FANK1: variants seen among roughly 807,000 people sequenced by gnomAD.
FANK1 encodes the protein fibronectin type 3 and ankyrin repeat domains protein 1.
Under a neutral mutation model 45.3 loss-of-function variants are expected in FANK1, and 44 were observed. The ratio of observed to expected loss-of-function variants is 0.97; its 90% CI spans 0.76 to 1.25. The LOEUF (loss-of-function observed/expected upper bound fraction) is 1.25. Ranked by LOEUF, FANK1 falls within the 50% of genes most tolerant of loss-of-function variation. FANK1 has a pLI of 0.00. For missense variants in FANK1, 391 were observed against 424.4 expected, an observed-to-expected ratio of 0.92 and a Z score of 0.69; for synonymous variants, 149 against 152.5, an observed-to-expected ratio of 0.98 and a Z score of 0.17.
intron 1 of FANK1, among the ~76,000 whole-genome samples, chr10:125,949,466 A>T (rs1383374139): frequency 6.6e-6 from 1 of 152,200 alleles, no homozygotes; most frequent in East Asian, 1.9e-4. Flanking sequence ...GTATTCTTAT[A>T]CACCAACAAA....
At chr10:125,937,564 G>A (rs1313076389) in intron 1 of FANK1, among the ~76,000 whole-genome samples, 1 of 152,126 alleles carries the variant, frequency 6.6e-6, no homozygotes, top group Admixed American at 6.5e-5. Context: ...GAAGGAGTCT[G>A]ATGGAATAAA....
intron 1 of FANK1, among the ~76,000 whole-genome samples, chr10:125,898,830 ATATTCT>A (rs1944792840): frequency 6.6e-6 from 1 of 151,952 alleles, no homozygotes; most frequent in African/African-American, 2.4e-5. Flanking sequence ...TTCTTTCCAC[ATATTCT>A]TAAATTATTT....
intron 1 of FANK1, among the ~76,000 whole-genome samples, chr10:125,916,693 G>A (rs1414340130): frequency 6.6e-6 from 1 of 152,162 alleles, no homozygotes; most frequent in Admixed American, 6.5e-5. Context: ...GAACCTGGAA[G>A]ACATTATGCC....
chr10:126,000,889 A>G (rs796694293), intron 6 of FANK1, among the ~76,000 whole-genome samples: 5 of 152,366 alleles, frequency 3.3e-5, no homozygotes, highest in East Asian at 1.9e-4. Context: ...AAGACAATTT[A>G]TAGCAGAATC....
chr10:125,956,483 C>G (rs1452206239), intron 1 of FANK1, among the ~76,000 whole-genome samples: 2 of 152,092 alleles, frequency 1.3e-5, no homozygotes, highest in African/African-American at 4.8e-5. Context: ...TAATTTTTAT[C>G]TTTATTGCTT....
At chr10:125,965,371 T>C (rs10794045) in intron 1 of FANK1, among the ~76,000 whole-genome samples, 54,139 of 152,120 alleles carry the variant, frequency 0.36, 9,948 homozygotes, top group South Asian at 0.43. Context: ...TACCATTTCT[T>C]ACTGTGAATA....
rs1327647431 is a variant in FANK1 at position 125,994,837 on chromosome 10, C to A, written c.317-580C>A. The A allele has an allele frequency of 8.1e-6, 8 of 985,190 alleles. No homozygotes were observed. The African/African-American group carries it at 1.2e-4, about 15-fold the overall frequency. The allele number at this position is 985,190 out of a possible 1,614,324, so 61.0% of individuals were successfully genotyped here. A position where few individuals can be genotyped will look rare whatever the true frequency, so the allele number is the denominator to read the frequency against. ...CATTGTTCTTTTAGGCTTCTGGACT[C>A]CTCCTGGGTCTTCGCTGGTTGGCAA... On this transcript the variant is annotated intron_variant, in intron 3 of 10. Transcript: ENST00000368693.
At chr10:125,994,225 G>A (rs1952145477) in intron 3 of FANK1, 1 of 254,480 alleles carries the variant, frequency 3.9e-6, no homozygotes, top group African/African-American at 2.3e-5. Context: ...CAGTGGGGGA[G>A]GATGGGGTAG....
In FANK1 at chr10:125,983,707, A is replaced by G. The variant is rs1162485971; in HGVS notation, c.191+3369A>G. Among the ~76,000 whole-genome samples, 1 of 152,156 alleles carries G rather than the reference A, an allele frequency of 6.6e-6. No individual in the cohort carries two copies. Among genetic ancestry groups the G allele is most frequent in the African/African-American group, 2.4e-5 (1 of 41,422 alleles). On this transcript the variant is annotated intron_variant, in intron 2 of 10. Transcript: ENST00000368693. This position sits in a 1 kb window ranked among gnomAD's most constrained non-coding sequence, Gnocchi z 4.3. Reference sequence around the variant, plus strand: ...TTGAGGAACAGAGGGAACAAGGAGGAAAATAATGGGGGCGAGGGCAGCTGG... The same window carrying G: ...TTGAGGAACAGAGGGAACAAGGAGGGAAATAATGGGGGCGAGGGCAGCTGG...
intron 1 of FANK1, among the ~76,000 whole-genome samples, chr10:125,903,505 C>T (rs946621509): frequency 6.6e-6 from 1 of 152,272 alleles, no homozygotes; most frequent in African/African-American, 2.4e-5. Flanking sequence ...GTGCTCTCAT[C>T]CCCACACCCC....
chr10:125,963,662 A>G (rs1452133909), intron 1 of FANK1, among the ~76,000 whole-genome samples: 2 of 152,108 alleles, frequency 1.3e-5, no homozygotes, highest in African/African-American at 2.4e-5. Context: ...CAAACACCAC[A>G]TGTTCTCACT....
intron 3 of FANK1, among the ~76,000 whole-genome samples, chr10:125,990,833 C>A (rs577555862): frequency 1.3e-5 from 2 of 152,158 alleles, no homozygotes; most frequent in Non-Finnish European, 2.9e-5. Flanking sequence ...GGGGAGGCCT[C>A]ACAACCATGG....
chr10:125,907,611 T>C (rs1589793841), intron 1 of FANK1: 1 of 755,928 alleles, frequency 1.3e-6, no homozygotes, highest in Non-Finnish European at 1.6e-6. Context: ...TGTGTGTGTG[T>C]GTGCACAGAA....
At chr10:126,004,278 C>CT (rs956923320) in intron 6 of FANK1, 2 of 146,900 alleles carry the variant, frequency 1.4e-5, no homozygotes, top group Non-Finnish European at 3.0e-5. Flanking sequence ...TCCTTTTTCT[C>CT]TTTTTTGAAT....
intron 5 of FANK1, among the ~76,000 whole-genome samples, chr10:125,997,005 G>T (rs868144630): frequency 6.6e-6 from 1 of 151,680 alleles, no homozygotes; most frequent in African/African-American, 2.4e-5. Context: ...CTCATTATCT[G>T]TTCCACACAG....
chr10:125,930,583 C>T (rs945677520), intron 1 of FANK1, among the ~76,000 whole-genome samples: 43 of 151,996 alleles, frequency 2.8e-4, no homozygotes, highest in African/African-American at 6.5e-4. Context: ...GGCAATCCTC[C>T]GCTTTGACCT....
At chr10:125,951,339 G>A (rs964574887) in intron 1 of FANK1, among the ~76,000 whole-genome samples, 2 of 151,856 alleles carry the variant, frequency 1.3e-5, no homozygotes, top group East Asian at 1.9e-4. Context: ...TACCTGTTTA[G>A]GAAACATTTA....
intron 1 of FANK1, among the ~76,000 whole-genome samples, chr10:125,977,555 C>T (rs1950931620): frequency 6.6e-6 from 1 of 152,124 alleles, no homozygotes; most frequent in Admixed American, 6.5e-5. Context: ...TCCTGGGATG[C>T]CCACTGCAGC....
At chr10:125,996,337 T>C (rs551617514) in intron 4 of FANK1, among the ~76,000 whole-genome samples, 1 of 152,360 alleles carries the variant, frequency 6.6e-6, no homozygotes, top group African/African-American at 2.4e-5. Flanking sequence ...AATTTTCTCT[T>C]TTATGATACA....
Sources: allele counts gnomAD v4.1 joint callset (sites outside exome capture counted in the v4.1 genomes callset), GRCh38; gene constraint gnomAD v4.1.1; non-coding constraint Gnocchi (gnomAD v3.1); transcripts MANE v1.5; gene names NCBI Gene and HGNC (gene_info 2026-07-23, HGNC 2026-07-21).